Variants in IRAK3 observed in about 807,000 individuals in gnomAD.
IRAK3 encodes interleukin-1 receptor-associated kinase 3.
IRAK3 carries 57 observed loss-of-function variants against 56.6 expected under a neutral mutation model. The ratio of observed to expected loss-of-function variants is 1.01; its 90% confidence interval spans 0.81 to 1.26. The LOEUF (loss-of-function observed/expected upper bound fraction) is 1.26. Among genes scored for constraint, IRAK3 ranks in the 50% most tolerant of loss-of-function variants. The pLI is 0.00. For synonymous variants in IRAK3, 258 were observed against 255.7 expected, an observed-to-expected ratio of 1.01 and a Z score of -0.09; for missense variants, 703 against 719.0, an observed-to-expected ratio of 0.98 and a Z score of 0.25.
intron 2 of IRAK3, among the ~76,000 whole-genome samples, chr12:66,205,684 A>G (rs2052551855): frequency 6.6e-6 from 1 of 152,198 alleles, no homozygotes; most frequent in Non-Finnish European, 1.5e-5. Flanking sequence ...AGTTATCTAA[A>G]TAATCAGTTA....
chr12:66,245,087 TC>T lies in IRAK3; in HGVS notation c.1150-10del, dbSNP rs2053013918. 6.2e-7 allele frequency: 1 copy of T among 1,613,886 alleles called. No homozygotes were observed. Among genetic ancestry groups the T allele is most frequent in the African/African-American group, 1.3e-5 (1 of 74,900 alleles). On this transcript the variant is annotated splice_polypyrimidine_tract_variant and intron_variant, in intron 10 of 11. Transcript: ENST00000261233. The stretch of plus-strand genomic sequence containing the variant: ...GTTCTCTGTGATAAAATTGTCTCCC[TC>T]TCTTCCAAGCGGGATCTCCTTAGAG...
intron 9 of IRAK3, 102 bp from the exon 10 acceptor site, chr12:66,244,846 A>G (rs1592604480): frequency 1.8e-6 from 2 of 1,081,896 alleles, no homozygotes; most frequent in Admixed American, 1.8e-5. Context: ...ATATAAAATC[A>G]TTAATCAGAA....
Position 66,217,289 on chromosome 12 carries a change from G to C in IRAK3, c.653+54G>C, listed in dbSNP as rs186530691. ...CTCTTTGTGCCTGGGTTTCATCTCT[G>C]TTCATTTTTTATTTTACAGCACAGA... On this transcript the variant is annotated intron_variant, in intron 6 of 11. Coordinates refer to ENST00000261233, the MANE Select transcript of IRAK3 (RefSeq NM_007199.3). 1,142 of 1,297,716 alleles carry C rather than the reference G, an allele frequency of 8.8e-4. 2 individuals are homozygous for C. Among genetic ancestry groups the C allele is most frequent in the Middle Eastern group, 3.8e-3 (21 of 5,464 alleles). 80.4% of individuals were successfully genotyped at this position (1,297,716 alleles called of 1,614,324 possible). A position where few individuals can be genotyped will look rare whatever the true frequency, so the allele number is the denominator to read the frequency against.
At chr12:66,197,774 T>C (rs1428288120) in intron 1 of IRAK3, 1 of 985,316 alleles carries the variant, frequency 1.0e-6, no homozygotes, top group Non-Finnish European at 1.2e-6. Flanking sequence ...ATTTGGCATC[T>C]GTTCATTCAT....
In IRAK3 at chr12:66,212,021, G is replaced by C. The variant is rs1296943443; in HGVS notation, c.588+424G>C. 4.0e-5 allele frequency among the ~76,000 whole-genome samples: 6 copies of C among 150,466 alleles called. No individual in the cohort carries two copies. The East Asian group carries it at 9.8e-4, about 25-fold the overall frequency. Reference sequence around the variant, plus strand: ...AGCTACTTGGGAGGCTGAGGCAGGAGAATCGCTTGAGCACAGGAAGAAGAG... The same window carrying C: ...AGCTACTTGGGAGGCTGAGGCAGGACAATCGCTTGAGCACAGGAAGAAGAG... On this transcript the variant is annotated intron_variant, in intron 5 of 11. Transcript: ENST00000261233.
In IRAK3 at chr12:66,221,885, C is replaced by G. The variant is rs553141422; in HGVS notation, c.653+4650C>G. On this transcript the variant is annotated intron_variant, in intron 6 of 11. Coordinates refer to ENST00000261233, the MANE Select transcript of IRAK3 (RefSeq NM_007199.3). ...CTGTACTAAAAATATAAAAATTAGC[C>G]AGGTGTAGTGGTGCACGCTTGCAAT... 2.2e-3 allele frequency among the ~76,000 whole-genome samples: 330 copies of G among 152,194 alleles called. 2 individuals are homozygous for G. The highest frequency in any genetic ancestry group is 7.7e-3 in the African/African-American group (321 of 41,494).
chr12:66,217,831 A>G (rs1170993218), intron 6 of IRAK3, among the ~76,000 whole-genome samples: 1 of 152,014 alleles, frequency 6.6e-6, no homozygotes, highest in Admixed American at 6.6e-5. Context: ...TTTTTAACCA[A>G]GATGTGAAGT....
At position 66,254,136 on chromosome 12, in the gene IRAK3, A is replaced by C. The variant is rs990475631; in HGVS notation, c.*5965A>C. The C allele has an allele frequency of 6.6e-6, 1 of 152,076 alleles. No homozygotes were observed. Among genetic ancestry groups the C allele is most frequent in the Non-Finnish European group, 1.5e-5 (1 of 68,016 alleles). The allele number at this position is 152,076 out of a possible 1,614,324, so 9.4% of individuals were successfully genotyped here. A position where few individuals can be genotyped will look rare whatever the true frequency, so the allele number is the denominator to read the frequency against. ...TCTAGAAGGCAATTTGGCAACATGT[A>C]TGAAAACCTAAATGTTGATACACCT... On this transcript the variant is annotated 3_prime_UTR_variant, in exon 12 of 12. Transcript: ENST00000261233.
At chr12:66,193,640 T>C (rs1415203559) in intron 1 of IRAK3, among the ~76,000 whole-genome samples, 1 of 152,218 alleles carries the variant, frequency 6.6e-6, no homozygotes, top group Non-Finnish European at 1.5e-5. Flanking sequence ...TTGAGGAGTA[T>C]TGGTTGGAAC....
chr12:66,222,091 A>C (rs577861097), intron 6 of IRAK3, among the ~76,000 whole-genome samples: 31 of 152,326 alleles, frequency 2.0e-4, no homozygotes, highest in South Asian at 1.7e-3. Context: ...AAATTTGTTG[A>C]GGATTTTTGT....
At chr12:66,192,957 TTTTTC>T (rs547986612) in intron 1 of IRAK3, among the ~76,000 whole-genome samples, 12 of 152,146 alleles carry the variant, frequency 7.9e-5, no homozygotes, top group Admixed American at 5.9e-4. Flanking sequence ...CTATGTTCTT[TTTTTC>T]TTTTCTTTTC....
At chr12:66,242,333 C>T (rs1310903390) in intron 8 of IRAK3, among the ~76,000 whole-genome samples, 1 of 152,234 alleles carries the variant, frequency 6.6e-6, no homozygotes, top group Non-Finnish European at 1.5e-5. Flanking sequence ...GAGCCTCAGA[C>T]TTGATCTGAT....
At position 66,208,089 on chromosome 12, in the gene IRAK3, T is replaced by G. The variant is rs566616565; in HGVS notation, c.317-1367T>G. Among the ~76,000 whole-genome samples, 3 of 152,364 alleles carry G rather than the reference T, an allele frequency of 2.0e-5. No homozygotes were observed. The East Asian group carries it at 5.8e-4, about 29-fold the overall frequency. Reference sequence around the variant, plus strand: ...TTTGTTATTGATTGGTTATGCTTTCTTGCTAGTTTTCTAAGCAAAATAATT... The same window carrying G: ...TTTGTTATTGATTGGTTATGCTTTCGTGCTAGTTTTCTAAGCAAAATAATT... On this transcript the variant is annotated intron_variant, in intron 2 of 11. Transcript: ENST00000261233.
intron 6 of IRAK3, among the ~76,000 whole-genome samples, chr12:66,217,989 T>G (rs190968828): frequency 3.9e-5 from 6 of 152,180 alleles, no homozygotes; most frequent in Admixed American, 3.3e-4. Context: ...AAAATTGTAA[T>G]AGTAAAAAGT....
chr12:66,245,247 A>T lies in IRAK3; in HGVS notation c.1299A>T (p.Arg433Ser). 1 of 1,614,172 alleles carries T rather than the reference A, an allele frequency of 6.2e-7. No homozygotes were observed. Among genetic ancestry groups the T allele is most frequent in the Non-Finnish European group, 8.5e-7 (1 of 1,180,038 alleles). The change falls in exon 11 of 12, where the codon AGA (arginine) becomes AGT (serine). Residue 433 changes from arginine to serine, a missense_variant. Arg to Ser is a moderately radical substitution (Grantham distance 110). Transcript: ENST00000261233. ...GTGCTGCAACGCGGGCAAAGTTAAG[A>T]CCATCAATGGATGAAGTGAGTATAT... ...GRCAATRAKL[R>S]PSMDEVLNTL...
chr12:66,234,764 CT>C (rs1291905686), intron 8 of IRAK3: 1 of 1,593,652 alleles, frequency 6.3e-7, no homozygotes, highest in African/African-American at 1.3e-5. Flanking sequence ...ACTTGTACCA[CT>C]GGCATCACGT....
At chr12:66,201,436 G>C (rs2052506955) in intron 1 of IRAK3, among the ~76,000 whole-genome samples, 1 of 152,146 alleles carries the variant, frequency 6.6e-6, no homozygotes. Context: ...AGTTTCTCTG[G>C]AAGGTAAAGT....
intron 8 of IRAK3, among the ~76,000 whole-genome samples, chr12:66,231,882 C>T (rs2052848074): frequency 6.6e-6 from 1 of 152,166 alleles, no homozygotes; most frequent in Non-Finnish European, 1.5e-5. Flanking sequence ...ACAAGCTGGG[C>T]TCTAGTGAAA....
chr12:66,202,464 A>G (rs551598239), intron 1 of IRAK3, among the ~76,000 whole-genome samples: 2 of 152,284 alleles, frequency 1.3e-5, no homozygotes, highest in African/African-American at 4.8e-5. Flanking sequence ...TCACAAAAAG[A>G]TAGGGCTTGT....
Sources: allele counts gnomAD v4.1 joint callset (sites outside exome capture counted in the v4.1 genomes callset), GRCh38; gene constraint gnomAD v4.1.1; transcripts MANE v1.5; gene names NCBI Gene and HGNC (gene_info 2026-07-23, HGNC 2026-07-21).